Variants in CDK9 observed in about 807,000 individuals in gnomAD.
The protein encoded by CDK9 is cyclin dependent kinase 9, also known as cyclin-dependent kinase 9.
Under a neutral mutation model 39.0 loss-of-function variants are expected in CDK9, and 34 were observed. That is an observed-to-expected ratio of 0.87 (90% CI 0.66 to 1.16). The LOEUF is 1.16. Among genes scored for constraint, CDK9 ranks in the 50% most tolerant of loss-of-function variants. CDK9 has a pLI of 0.00. For missense variants in CDK9, 369 were observed against 503.2 expected, an observed-to-expected ratio of 0.73 and a Z score of 2.55; for synonymous variants, 233 against 196.2, an observed-to-expected ratio of 1.19 and a Z score of -1.57.
intron 1 of CDK9, 89 bp downstream of exon 1, chr9:127,786,329 A>C: frequency 9.2e-7 from 1 of 1,086,734 alleles, no homozygotes; most frequent in Non-Finnish European, 1.4e-6. Flanking sequence ...GAGTTGGTAG[A>C]GAAGTCGTCT....
Position 127,788,072 on chromosome 9 carries a change from C to G in CDK9, c.391C>G (p.Gln131Glu). Reference sequence around the variant, plus strand: ...GCTGTCTGAGATCAAGAGGGTGATGCAGATGCTGCTTAACGGCCTCTACTA... The same window carrying G: ...GCTGTCTGAGATCAAGAGGGTGATGGAGATGCTGCTTAACGGCCTCTACTA... ...FTLSEIKRVM[Q>E]MLLNGLYYIH... The change falls in exon 4 of 7, where the codon CAG becomes GAG. Residue 131 changes from glutamine to glutamate, a missense_variant. Coordinates refer to ENST00000373264, the MANE Select transcript of CDK9 (RefSeq NM_001261.4). 6.2e-7 allele frequency: 1 copy of G among 1,614,212 alleles called. No homozygotes were observed. Among genetic ancestry groups the G allele is most frequent in the Non-Finnish European group, 8.5e-7 (1 of 1,180,044 alleles).
intron 4 of CDK9, 42 bp from the exon 5 acceptor site, chr9:127,788,172 G>A (rs765767956): frequency 1.2e-5 from 19 of 1,613,190 alleles, no homozygotes; most frequent in Middle Eastern, 1.6e-4. Context: ...TCCCACTCCC[G>A]GGTGGATGTC....
At position 127,789,901 on chromosome 9, in the gene CDK9, G is replaced by C. The variant is rs867070276; in HGVS notation, c.*358G>C. 2.4e-5 allele frequency: 6 copies of C among 254,062 alleles called. No individual in the cohort carries two copies. The highest frequency in any genetic ancestry group is 4.6e-5 in the Non-Finnish European group (6 of 130,860). 15.7% of individuals were successfully genotyped at this position (254,062 alleles called of 1,614,324 possible). On this transcript the variant is annotated 3_prime_UTR_variant, in exon 7 of 7. Coordinates refer to ENST00000373264, the MANE Select transcript of CDK9 (RefSeq NM_001261.4). The surrounding 1 kb of genome is among the most constrained non-coding windows in gnomAD (Gnocchi z 5.2). ...TTCTCGGGCTGAGAACCCTGCGTGG[G>C]GACAGGGCTCGCCTCAGGAATGGGC... is the stretch of plus-strand genomic sequence containing the variant.
Position 127,786,046 on chromosome 9 carries a change from G to A in CDK9, c.-103G>A. Reference sequence around the variant, plus strand: ...GCCGGAAGTGGCCGTGGAGGCGGAAGTGGCGCGGCCGCGGAGGGGCCTGGA... The same window carrying A: ...GCCGGAAGTGGCCGTGGAGGCGGAAATGGCGCGGCCGCGGAGGGGCCTGGA... On this transcript the variant is annotated 5_prime_UTR_variant, in exon 1 of 7. In the 5' UTR this introduces an upstream ATG that the reference lacks. Transcript: ENST00000373264. 1.5e-6 allele frequency: 1 copy of A among 653,586 alleles called. No homozygotes were observed. The highest frequency in any genetic ancestry group is 2.3e-6 in the Non-Finnish European group (1 of 442,872). 40.5% of individuals were successfully genotyped at this position (653,586 alleles called of 1,614,324 possible). A position where few individuals can be genotyped will look rare whatever the true frequency, so the allele number is the denominator to read the frequency against.
intron 3 of CDK9, 125 bp from the exon 4 acceptor site, chr9:127,787,822 G>A: frequency 9.3e-7 from 1 of 1,077,362 alleles, no homozygotes; most frequent in South Asian, 1.4e-5. Flanking sequence ...GTGAAGGAAG[G>A]AACAGACAGA....
Position 127,788,674 on chromosome 9 carries a change from C to A in CDK9, c.735C>A (p.Cys245Ter). The A allele has an allele frequency of 6.2e-7, 1 of 1,606,998 alleles. No homozygotes were observed. The highest frequency in any genetic ancestry group is 8.5e-7 in the Non-Finnish European group (1 of 1,176,608). ...QHQLALISQLCGSITPEVWPN... is the reference protein window; with the variant it reads ...QHQLALISQL ...AACTCGCCCTCATCAGTCAGCTCTGCGGCTCCATCACCCCTGAGGTACGGG... is the reference window on the plus strand; with the variant it reads ...AACTCGCCCTCATCAGTCAGCTCTGAGGCTCCATCACCCCTGAGGTACGGG... The change falls in exon 6 of 7, where the codon TGC (cysteine) becomes TGA (stop). Residue 245 changes from cysteine (C) to a stop codon, truncating the protein, a stop_gained. Coordinates refer to ENST00000373264, the MANE Select transcript of CDK9 (RefSeq NM_001261.4). LOFTEE classifies it high-confidence loss of function.
In CDK9 at chr9:127,789,486, C is replaced by T. The variant is rs770616688; in HGVS notation, c.1062C>T (p.Thr354=). ...GCAGCCAGATCACCCAGCAGTCCAC[C>T]AACCAGAGTCGCAATCCCGCCACCA... ...RKGSQITQQS[T]NQSRNPATTN... Residue 354 remains threonine, a synonymous_variant, in exon 7 of 7, where the codon ACC becomes ACT. Coordinates refer to ENST00000373264, the MANE Select transcript of CDK9 (RefSeq NM_001261.4). This position sits in a 1 kb window ranked among gnomAD's most constrained non-coding sequence, Gnocchi z 5.2. 14 of 1,614,008 alleles carry T rather than the reference C, an allele frequency of 8.7e-6. No homozygotes were observed. In the Middle Eastern group the frequency reaches 4.9e-4, roughly 57 times the overall value.
At chr9:127,786,347 G>A in intron 1 of CDK9, 107 bp downstream of exon 1, 1 of 956,696 alleles carries the variant, frequency 1.0e-6, no homozygotes, top group Non-Finnish European at 1.6e-6. Context: ...TCTGTCCCCG[G>A]GCTTGCCTGC....
rs755556423 is a variant in CDK9 at position 127,786,100 on chromosome 9, AGCGGCGGCAGCAGCGACTGGGG to A, written c.-40_-19del. ...CGGCGGCGGCGGGACCCGGAGCAGG[AGCGGCGGCAGCAGCGACTGGGG>A]GCGGCGGCGGCGCGTTGGAGGCGGC... On this transcript the variant is annotated 5_prime_UTR_variant, in exon 1 of 7. Coordinates refer to ENST00000373264, the MANE Select transcript of CDK9 (RefSeq NM_001261.4). 10 of 1,440,640 alleles carry A rather than the reference AGCGGCGGCAGCAGCGACTGGGG, an allele frequency of 6.9e-6. No individual in the cohort carries two copies. Among genetic ancestry groups the A allele is most frequent in the African/African-American group, 1.5e-5 (1 of 67,458 alleles). The allele number at this position is 1,440,640 out of a possible 1,614,324, so 89.2% of individuals were successfully genotyped here. A position where few individuals can be genotyped will look rare whatever the true frequency, so the allele number is the denominator to read the frequency against.
At chr9:127,787,900 T>C (rs368797981) in intron 3 of CDK9, 47 bp from the exon 4 acceptor site, 4 of 1,592,646 alleles carry the variant, frequency 2.5e-6, no homozygotes, top group African/African-American at 1.3e-5. Flanking sequence ...GGAAAGTGTG[T>C]TGGGTGTGGT....
At position 127,788,295 on chromosome 9, in the gene CDK9, C is replaced by G; in HGVS notation, c.514C>G (p.Arg172Gly). 1 of 1,613,346 alleles carries G rather than the reference C, an allele frequency of 6.2e-7. No individual in the cohort carries two copies. Among genetic ancestry groups the G allele is most frequent in the Non-Finnish European group, 8.5e-7 (1 of 1,179,978 alleles). The stretch of plus-strand genomic sequence containing the variant: ...GAAGCTGGCAGACTTTGGGCTGGCC[C>G]GGGCCTTCAGCCTGGCCAAGAACAG... ...VLKLADFGLA[R>G]AFSLAKNSQP... Residue 172 changes from arginine (R) to glycine (G), a missense_variant, in exon 5 of 7, where the codon CGG (arginine) becomes GGG (glycine). By Grantham distance (125) the Arg-to-Gly change is moderately radical (BLOSUM62 -2). Coordinates refer to ENST00000373264, the MANE Select transcript of CDK9 (RefSeq NM_001261.4).
intron 2 of CDK9, among the ~76,000 whole-genome samples, chr9:127,787,244 C>T (rs1829344009): frequency 6.6e-6 from 1 of 152,000 alleles, no homozygotes; most frequent in Admixed American, 6.6e-5. Context: ...TGTTTGTTGC[C>T]AACGAAACAG....
chr9:127,788,609 AC>A lies in CDK9; in HGVS notation c.673del (p.Arg225AlafsTer51). 1 of 1,602,108 alleles carries A rather than the reference AC, an allele frequency of 6.2e-7. No individual in the cohort carries two copies. Among genetic ancestry groups the A allele is most frequent in the African/African-American group, 1.3e-5 (1 of 74,924 alleles). On this transcript the variant is annotated frameshift_variant, in exon 6 of 7. Transcript: ENST00000373264. LOFTEE classifies it high-confidence loss of function. ...TGGGTGCATCATGGCAGAGATGTGG[AC>A]CCGCAGCCCCATCATGCAGGGCAAC... ...GAGCIMAEMW[T>X]RSPIMQGNTE...
At chr9:127,786,344 C>T in intron 1 of CDK9, 104 bp downstream of exon 1, 1 of 961,154 alleles carries the variant, frequency 1.0e-6, no homozygotes, top group Non-Finnish European at 1.6e-6. Context: ...TCGTCTGTCC[C>T]CGGGCTTGCC....
Position 127,790,661 on chromosome 9 carries a change from C to G in CDK9, c.*1118C>G, listed in dbSNP as rs1829411071. ...ATTCTGGAGGTCAATTTCCTACATC[C>G]TCTTACAGGCGGAGACCTTGAAGTG... On this transcript the variant is annotated 3_prime_UTR_variant, in exon 7 of 7. Transcript: ENST00000373264. 6.6e-6 allele frequency: 1 copy of G among 152,144 alleles called. No individual in the cohort carries two copies. The highest frequency in any genetic ancestry group is 1.5e-5 in the Non-Finnish European group (1 of 68,030). The allele number at this position is 152,144 out of a possible 1,614,324, so 9.4% of individuals were successfully genotyped here. A position where few individuals can be genotyped will look rare whatever the true frequency, so the allele number is the denominator to read the frequency against.
At chr9:127,788,151 C>A (rs1588538525) in intron 4 of CDK9, 38 bp downstream of exon 4, 1 of 1,613,496 alleles carries the variant, frequency 6.2e-7, no homozygotes, top group Admixed American at 1.7e-5. Context: ...CAGGCTTGGG[C>A]TGGTCTTGGC....
At chr9:127,787,685 C>T in intron 3 of CDK9, 77 bp downstream of exon 3, 1 of 1,099,872 alleles carries the variant, frequency 9.1e-7, no homozygotes, top group Non-Finnish European at 1.4e-6. Context: ...CTAGGCACAC[C>T]TAAACTGCCT....
Position 127,786,767 on chromosome 9 carries a change from A to G in CDK9, c.159A>G (p.Glu53=). ...QKVALKKVLM[E]NEKEGFPITA... ...TGGCTCTGAAGAAGGTGCTGATGGA[A>G]AACGAGAAGGAGGGGGTGAGTACGG... The change falls in exon 2 of 7, where the codon GAA becomes GAG. Residue 53 remains glutamate, a synonymous_variant. Coordinates refer to ENST00000373264, the MANE Select transcript of CDK9 (RefSeq NM_001261.4). 1.9e-6 allele frequency: 3 copies of G among 1,613,946 alleles called. No individual in the cohort carries two copies. The highest frequency in any genetic ancestry group is 2.5e-6 in the Non-Finnish European group (3 of 1,179,924).
Position 127,789,054 on chromosome 9 carries a change from C to T in CDK9, c.754-124C>T, listed in dbSNP as rs146297416. 495 of 1,281,436 alleles carry T rather than the reference C, an allele frequency of 3.9e-4. 2 individuals are homozygous for T. In the East Asian group the frequency reaches 0.011, roughly 28 times the overall value. The allele number at this position is 1,281,436 out of a possible 1,614,324, so 79.4% of individuals were successfully genotyped here. A position where few individuals can be genotyped will look rare whatever the true frequency, so the allele number is the denominator to read the frequency against. On this transcript the variant is annotated intron_variant, in intron 6 of 6. Transcript: ENST00000373264. The surrounding 1 kb of genome is among the most constrained non-coding windows in gnomAD (Gnocchi z 5.2). Reference sequence around the variant, plus strand: ...AGCGGGCACTGCTTCTGGGAGGGGTCGAGTAGCAGTCTGGGAGCCTCCGAG... The same window carrying T: ...AGCGGGCACTGCTTCTGGGAGGGGTTGAGTAGCAGTCTGGGAGCCTCCGAG...
Sources: gnomAD v4.1 joint callset for allele counts (sites outside exome capture counted in the v4.1 genomes callset) on GRCh38, gnomAD v4.1.1 for gene constraint, Gnocchi (gnomAD v3.1) non-coding constraint, MANE v1.5 for transcripts, NCBI Gene and HGNC (gene_info 2026-07-23, HGNC 2026-07-21) for gene names.